CLSTN2: variants seen among roughly 807,000 people sequenced by gnomAD.
CLSTN2 encodes calsyntenin-2.
In CLSTN2, 48 loss-of-function variants were observed where a neutral mutation model predicts 101.2. That is an observed-to-expected ratio of 0.47 (90% CI 0.38 to 0.60). The LOEUF (loss-of-function observed/expected upper bound fraction) is 0.60. Among genes scored for constraint, CLSTN2 ranks in the 20% least tolerant of loss-of-function variants. CLSTN2 has a pLI of 0.00. For missense variants in CLSTN2, 1,160 were observed against 1,238.2 expected (o/e 0.94, Z 0.95); for synonymous variants, 481 against 463.6 (o/e 1.04, Z -0.48).
At chr3:140,551,119 A>G (rs1480840251) in intron 10 of CLSTN2, among the ~76,000 whole-genome samples, 1 of 152,206 alleles carries the variant, frequency 6.6e-6, no homozygotes, top group Non-Finnish European at 1.5e-5. Flanking sequence ...TCAGCAACTC[A>G]GATTAGAAGA....
intron 1 of CLSTN2, among the ~76,000 whole-genome samples, chr3:139,960,800 A>G (rs944568895): frequency 6.6e-6 from 1 of 152,190 alleles, no homozygotes; most frequent in Admixed American, 6.5e-5. Context: ...TCTTGAGATA[A>G]GGGGGCAGGA....
intron 2 of CLSTN2, among the ~76,000 whole-genome samples, chr3:140,397,039 C>T (rs1452600114): frequency 2.6e-5 from 4 of 151,964 alleles, no homozygotes; most frequent in Admixed American, 6.6e-5. Flanking sequence ...GAGAAACTTT[C>T]AAATGTTCAT....
chr3:140,464,976 G>A (rs1474427090), intron 7 of CLSTN2, among the ~76,000 whole-genome samples: 1 of 152,154 alleles, frequency 6.6e-6, no homozygotes, highest in Non-Finnish European at 1.5e-5. Flanking sequence ...CTGGTCATGA[G>A]GCAGTGTGAT....
At chr3:140,412,173 A>T (rs2088372074) in intron 4 of CLSTN2, among the ~76,000 whole-genome samples, 1 of 152,074 alleles carries the variant, frequency 6.6e-6, no homozygotes, top group Non-Finnish European at 1.5e-5. Flanking sequence ...GCGCCACAAC[A>T]CCTGATTAAT....
At chr3:140,280,848 G>T (rs950186131) in intron 2 of CLSTN2, among the ~76,000 whole-genome samples, 2 of 152,168 alleles carry the variant, frequency 1.3e-5, no homozygotes, top group Non-Finnish European at 2.9e-5. Flanking sequence ...CTGGGACTTT[G>T]TAAAATAAGG....
intron 1 of CLSTN2, among the ~76,000 whole-genome samples, chr3:140,114,696 G>A (rs2009211479): frequency 6.6e-6 from 1 of 151,988 alleles, no homozygotes; most frequent in African/African-American, 2.4e-5. Flanking sequence ...TTAGAGGCAG[G>A]ATATCATATT....
intron 2 of CLSTN2, among the ~76,000 whole-genome samples, chr3:140,363,925 C>T (rs548940301): frequency 2.1e-4 from 32 of 152,302 alleles, no homozygotes; most frequent in Middle Eastern, 3.4e-3. Context: ...GACTGGGAGG[C>T]CTCTCTTGTT....
intron 4 of CLSTN2, among the ~76,000 whole-genome samples, chr3:140,413,212 A>G (rs903962275): frequency 2.6e-5 from 4 of 152,216 alleles, no homozygotes; most frequent in Non-Finnish European, 5.9e-5. Flanking sequence ...AGAAGACATT[A>G]CAACTGATAC....
chr3:140,171,674 G>A (rs1184672611), intron 1 of CLSTN2, among the ~76,000 whole-genome samples: 4 of 11,992 alleles, frequency 3.3e-4, no homozygotes, highest in Middle Eastern at 0.05. Flanking sequence ...TATATAATAT[G>A]TATTATATAT....
chr3:140,379,189 C>A (rs1214752546), intron 2 of CLSTN2, among the ~76,000 whole-genome samples: 1 of 152,214 alleles, frequency 6.6e-6, no homozygotes, highest in Non-Finnish European at 1.5e-5. Flanking sequence ...TTAGTTGCTG[C>A]TGAGTGTTTG....
intron 2 of CLSTN2, among the ~76,000 whole-genome samples, chr3:140,315,439 A>C (rs1259328692): frequency 6.6e-6 from 1 of 152,202 alleles, no homozygotes; most frequent in African/African-American, 2.4e-5. Context: ...AGCCCCACAG[A>C]CCAATCCATG....
chr3:140,502,654 G>A (rs185637393), intron 8 of CLSTN2, among the ~76,000 whole-genome samples: 149 of 152,316 alleles, frequency 9.8e-4, no homozygotes, highest in African/African-American at 3.4e-3. Flanking sequence ...TCAGGGCAGG[G>A]GATGGGGTGC....
chr3:139,944,718 A>G (rs1208202148), intron 1 of CLSTN2, among the ~76,000 whole-genome samples: 1 of 152,222 alleles, frequency 6.6e-6, no homozygotes, highest in Non-Finnish European at 1.5e-5. Flanking sequence ...CGCTGGCTGC[A>G]AATCCTGCAG....
intron 8 of CLSTN2, among the ~76,000 whole-genome samples, chr3:140,496,961 C>T (rs761266241): frequency 2.0e-5 from 3 of 152,074 alleles, no homozygotes; most frequent in Non-Finnish European, 4.4e-5. Context: ...ATTAGCCGGA[C>T]GTGGTGGCAT....
rs115568822 is a variant in CLSTN2 at position 140,027,453 on chromosome 3, G to A, written c.109+91970G>A. Among the ~76,000 whole-genome samples the A allele has an allele frequency of 1.6e-3, 250 of 152,270 alleles. 1 individual carries two copies. Among genetic ancestry groups the A allele is most frequent in the African/African-American group, 5.7e-3 (236 of 41,552 alleles). On this transcript the variant is annotated intron_variant, in intron 1 of 16. Transcript: ENST00000458420. ...CAGAAGCTAGAAGGGTCATCCCTTG[G>A]AACCTTCAGAGGGATCATAGCCTTG... is the stretch of plus-strand genomic sequence containing the variant.
intron 9 of CLSTN2, among the ~76,000 whole-genome samples, chr3:140,535,879 T>C (rs1935350037): frequency 1.3e-5 from 2 of 152,232 alleles, no homozygotes; most frequent in South Asian, 4.1e-4. Flanking sequence ...ATTTTGCTTA[T>C]GTAATTATGT....
chr3:140,023,066 C>G (rs1379139530), intron 1 of CLSTN2, among the ~76,000 whole-genome samples: 2 of 152,182 alleles, frequency 1.3e-5, no homozygotes, highest in Non-Finnish European at 2.9e-5. Context: ...CCCTTAGCTT[C>G]CTGGCTTCAC....
chr3:140,183,459 T>C lies in CLSTN2; in HGVS notation c.232+7386T>C, dbSNP rs373282611. Among the ~76,000 whole-genome samples, 6 of 152,204 alleles carry C rather than the reference T, an allele frequency of 3.9e-5. No individual in the cohort carries two copies. The East Asian group carries it at 7.7e-4, about 20-fold the overall frequency. ...CTAAGAGATTGCTTGAGAGAAGCAG[T>C]TGAATGTAGGAATTTCAAGTTTTCT... On this transcript the variant is annotated intron_variant, in intron 2 of 16. Transcript: ENST00000458420.
At chr3:140,062,715 C>T (rs1429624072) in intron 1 of CLSTN2, among the ~76,000 whole-genome samples, 2 of 152,156 alleles carry the variant, frequency 1.3e-5, no homozygotes, top group Admixed American at 6.5e-5. Flanking sequence ...TTTGTAAGCT[C>T]ATGGTATGCT....
Sources: allele counts gnomAD v4.1 joint callset (sites outside exome capture counted in the v4.1 genomes callset), GRCh38; gene constraint gnomAD v4.1.1; transcripts MANE v1.5; gene names NCBI Gene and HGNC (gene_info 2026-07-23, HGNC 2026-07-21).